The following SLC1A6 variants were observed in gnomAD, a reference collection of about 807,000 sequenced individuals.
The protein encoded by SLC1A6 is excitatory amino acid transporter 4.
Under a neutral mutation model 42.1 loss-of-function variants are expected in SLC1A6, and 15 were observed. That is an observed-to-expected ratio of 0.36 (90% CI 0.24 to 0.55). The LOEUF is 0.55. SLC1A6 is among the 20% of genes least tolerant of loss of function. The pLI is 0.88. For missense variants in SLC1A6, 542 were observed against 772.5 expected, an observed-to-expected ratio of 0.70 and a Z score of 3.54; for synonymous variants, 317 against 319.7, an observed-to-expected ratio of 0.99 and a Z score of 0.09.
chr19:14,971,466 T>A (rs1337095035), intron 3 of SLC1A6, among the ~76,000 whole-genome samples: 3 of 152,104 alleles, frequency 2.0e-5, no homozygotes. Context: ...TTCTTTGTGA[T>A]ACTAAGCCCC....
intron 1 of SLC1A6, among the ~76,000 whole-genome samples, chr19:14,986,950 C>G (rs1395984796): frequency 6.6e-6 from 1 of 152,136 alleles, no homozygotes; most frequent in Non-Finnish European, 1.5e-5. Flanking sequence ...GGTGCTGCTG[C>G]GTTGATTCAC....
intron 6 of SLC1A6, among the ~76,000 whole-genome samples, chr19:14,957,943 A>G (rs1463752425): frequency 6.6e-6 from 1 of 152,216 alleles, no homozygotes; most frequent in African/African-American, 2.4e-5. Context: ...GAGAAGACCA[A>G]TGTGGCTGGA....
At chr19:14,956,757 T>C (rs764749681) in intron 6 of SLC1A6, 48 bp from the exon 7 acceptor site, 3 of 1,331,088 alleles carry the variant, frequency 2.3e-6, no homozygotes, top group Non-Finnish European at 3.2e-6. Context: ...CTGACCTCCC[T>C]TGCAGGTCTG....
chr19:14,962,083 A>G lies in SLC1A6; in HGVS notation c.854T>C (p.Met285Thr). ...CCTGAGGACTCTGCCCTTGTGTTTC[A>G]TGCCACCAATGACCAGCCCAAAGGC... is the stretch of plus-strand genomic sequence containing the variant. ...SVAFGLVIGG[M>T]KHKGRVLRDF... Residue 285 changes from methionine to threonine, a missense_variant, in exon 6 of 10, where the codon ATG (methionine) becomes ACG (threonine). Met to Thr is a moderately conservative substitution (Grantham distance 81). Coordinates refer to ENST00000594383, the MANE Select transcript of SLC1A6 (RefSeq NM_005071.3). The G allele has an allele frequency of 6.2e-7, 1 of 1,614,188 alleles. No individual in the cohort carries two copies.
intron 1 of SLC1A6, among the ~76,000 whole-genome samples, chr19:15,002,805 A>G (rs1329975829): frequency 6.6e-6 from 1 of 152,234 alleles, no homozygotes; most frequent in African/African-American, 2.4e-5. Context: ...CAAAGCTACC[A>G]GGAGGTCAAG....
At chr19:15,009,603 C>T (rs558057356) in intron 1 of SLC1A6, among the ~76,000 whole-genome samples, 9 of 151,894 alleles carry the variant, frequency 5.9e-5, no homozygotes, top group Non-Finnish European at 7.4e-5. Flanking sequence ...TGGAGGCTCC[C>T]GTAGGTAGGA....
rs1436378763 is a variant in SLC1A6, at chr19:14,962,133, G to C, written c.804C>G (p.Ala268=). The change falls in exon 6 of 10, where the codon GCC becomes GCG. Residue 268 remains alanine, a synonymous_variant. Coordinates refer to ENST00000594383, the MANE Select transcript of SLC1A6 (RefSeq NM_005071.3). ...CCACAGAGAAGACCACGAGGCCCAGGGCGTTGATGCCATTGGCGGAGCCAG... is the reference window on the plus strand; with the variant it reads ...CCACAGAGAAGACCACGAGGCCCAGCGCGTTGATGCCATTGGCGGAGCCAG... ...PVPGSANGIN[A]LGLVVFSVAF... The C allele has an allele frequency of 3.1e-6, 5 of 1,614,084 alleles. No homozygotes were observed. In the South Asian group the frequency reaches 5.5e-5, roughly 18 times the overall value.
chr19:14,960,999 C>T (rs1407476963), intron 6 of SLC1A6, among the ~76,000 whole-genome samples: 1 of 148,578 alleles, frequency 6.7e-6, no homozygotes, highest in African/African-American at 2.5e-5. Context: ...GCAGCCTCTA[C>T]ATCCCAGGCT....
At chr19:14,962,453 C>T (rs1281685693) in intron 5 of SLC1A6, 108 bp from the exon 6 acceptor site, 8 of 735,504 alleles carry the variant, frequency 1.1e-5, no homozygotes, top group African/African-American at 3.5e-5. Context: ...CCTGGAAGAT[C>T]GATAAGATCT....
At chr19:14,984,225 C>T (rs1177284748), upstream of SLC1A6, among the ~76,000 whole-genome samples, 1 of 152,142 alleles carries the variant, frequency 6.6e-6, no homozygotes, top group African/African-American at 2.4e-5. Flanking sequence ...AGGAGAATCA[C>T]TTGAACCCAG....
intron 1 of SLC1A6, among the ~76,000 whole-genome samples, chr19:15,002,690 G>A (rs1210204497): frequency 6.6e-6 from 1 of 152,146 alleles, no homozygotes; most frequent in Admixed American, 6.5e-5. Context: ...TTTGAGGGGT[G>A]GATGGCGGAC....
intron 3 of SLC1A6, among the ~76,000 whole-genome samples, chr19:14,970,165 G>C (rs751033280): frequency 6.6e-6 from 1 of 152,102 alleles, no homozygotes; most frequent in East Asian, 1.9e-4. Flanking sequence ...AGCCTCCTGG[G>C]TTCAAGTGAT....
chr19:14,995,096 G>A (rs11671369), intron 1 of SLC1A6, among the ~76,000 whole-genome samples: 32,016 of 151,862 alleles, frequency 0.21, 3,858 homozygotes, highest in East Asian at 0.47. Context: ...AGGCCAAGAC[G>A]GGTGGATCAC....
At chr19:14,972,548 T>C (rs967649513) in intron 2 of SLC1A6, 158 bp downstream of exon 2, 2 of 629,000 alleles carry the variant, frequency 3.2e-6, no homozygotes, top group Non-Finnish European at 5.8e-6. Flanking sequence ...ATCTGTGTGG[T>C]GTGTCTTTAT....
Position 14,962,343 on chromosome 19 carries a change from G to A in SLC1A6, c.594C>T (p.Phe198=). The change falls in exon 6 of 10, where the codon TTC becomes TTT. Residue 198 remains phenylalanine (F), a splice_region_variant and synonymous_variant. Coordinates refer to ENST00000594383, the MANE Select transcript of SLC1A6 (RefSeq NM_005071.3). ...PNLVEACFKQ[F]KTQYSTRVVT... ...CCACCCTCGTGCTGTACTGCGTCTT[G>A]AACTGAAATAGAGAGAGATTGCGCC... The A allele has an allele frequency of 6.2e-7, 1 of 1,610,024 alleles. No individual in the cohort carries two copies. The highest frequency in any genetic ancestry group is 2.2e-5 in the East Asian group (1 of 44,764).
chr19:14,970,898 G>A (rs562966382), intron 3 of SLC1A6, among the ~76,000 whole-genome samples: 11 of 152,154 alleles, frequency 7.2e-5, no homozygotes, highest in Middle Eastern at 3.4e-3. Flanking sequence ...TTGGGAGGCC[G>A]AGGTGCGCAG....
At chr19:14,972,657 A>T in intron 2 of SLC1A6, 49 bp downstream of exon 2, 1 of 1,526,596 alleles carries the variant, frequency 6.6e-7, no homozygotes, top group East Asian at 2.3e-5. Context: ...ATTTCCCTGA[A>T]GTCCCCGCCT....
intron 1 of SLC1A6, among the ~76,000 whole-genome samples, chr19:15,002,483 G>A (rs2045876537): frequency 6.6e-6 from 1 of 152,174 alleles, no homozygotes; most frequent in Non-Finnish European, 1.5e-5. Context: ...AGAGAGAGCA[G>A]AACAGAAGCC....
intron 1 of SLC1A6, among the ~76,000 whole-genome samples, chr19:14,975,948 A>G (rs1406131047): frequency 6.6e-6 from 1 of 150,522 alleles, no homozygotes; most frequent in Non-Finnish European, 1.5e-5. Flanking sequence ...GTGGGTCCCT[A>G]AAAGCACTGT....
Sources: allele counts gnomAD v4.1 joint callset (sites outside exome capture counted in the v4.1 genomes callset), GRCh38; gene constraint gnomAD v4.1.1; transcripts MANE v1.5; gene names NCBI Gene and HGNC (gene_info 2026-07-23, HGNC 2026-07-21).